Variants in SOBP observed in about 807,000 individuals in gnomAD.
SOBP encodes sine oculis binding protein homolog, also known as sine oculis-binding protein homolog.
Under a neutral mutation model 53.6 loss-of-function variants are expected in SOBP, and 4 were observed. The ratio of observed to expected loss-of-function variants is 0.07; its 90% CI spans 0.04 to 0.17. The LOEUF is 0.17. Among genes scored for constraint, SOBP ranks in the 10% least tolerant of loss-of-function variants. The pLI is 1.00. For missense variants in SOBP, 1,088 were observed against 1,204.7 expected (o/e 0.90, Z 1.43); for synonymous variants, 584 against 522.6 (o/e 1.12, Z -1.60).
intron 4 of SOBP, among the ~76,000 whole-genome samples, chr6:107,555,553 C>T (rs1441705346): frequency 2.0e-5 from 3 of 152,226 alleles, no homozygotes; most frequent in Non-Finnish European, 4.4e-5. Flanking sequence ...TGCACTCCAA[C>T]AATCAGAGGC....
At chr6:107,612,414 G>C (rs1327354958) in intron 5 of SOBP, among the ~76,000 whole-genome samples, 1 of 152,196 alleles carries the variant, frequency 6.6e-6, no homozygotes, top group Non-Finnish European at 1.5e-5. Flanking sequence ...TGAGAAGAGA[G>C]TTTGAAGGGT....
intron 4 of SOBP, among the ~76,000 whole-genome samples, chr6:107,582,573 T>G (rs1418193451): frequency 6.6e-6 from 1 of 152,082 alleles, no homozygotes; most frequent in Non-Finnish European, 1.5e-5. Flanking sequence ...AAAAAGAAAT[T>G]TCCTTAGAAT....
chr6:107,522,988 G>C (rs1037763315), intron 3 of SOBP, among the ~76,000 whole-genome samples: 1 of 152,186 alleles, frequency 6.6e-6, no homozygotes, highest in Admixed American at 6.5e-5. Flanking sequence ...GAACTGAGGT[G>C]GGAAACGCAG....
rs1172253442 is a variant in SOBP, at chr6:107,635,009, T to C, written c.2165T>C (p.Val722Ala). The stretch of plus-strand genomic sequence containing the variant: ...CCCGAGGCGGCCGCGGCCTGCAACG[T>C]CATCGTGAACGGCACGCGCGGCGCC... ...AGPEAAAACN[V>A]IVNGTRGAAA... Residue 722 changes from valine (V) to alanine (A), a missense_variant, in exon 6 of 7, where the codon GTC (valine) becomes GCC (alanine). Transcript: ENST00000317357. The surrounding 1 kb of genome is among the most constrained non-coding windows in gnomAD (Gnocchi z 4.5). The C allele has an allele frequency of 8.6e-7, 1 of 1,168,384 alleles. No homozygotes were observed. Among genetic ancestry groups the C allele is most frequent in the Non-Finnish European group, 1.1e-6 (1 of 947,348 alleles). 72.4% of individuals were successfully genotyped at this position (1,168,384 alleles called of 1,614,324 possible).
intron 5 of SOBP, among the ~76,000 whole-genome samples, chr6:107,604,179 A>G (rs1025787905): frequency 6.6e-6 from 1 of 152,170 alleles, no homozygotes; most frequent in African/African-American, 2.4e-5. Flanking sequence ...ACTGAGAGTA[A>G]TTTTTGCCAT....
Position 107,622,447 on chromosome 6 carries a change from G to A in SOBP, c.670-11067G>A, listed in dbSNP as rs187901415. On this transcript the variant is annotated intron_variant, in intron 5 of 6. Coordinates refer to ENST00000317357, the MANE Select transcript of SOBP (RefSeq NM_018013.4). ...GCTGGGATGATACAAGAAGAGATGC[G>A]ATTGTGGAGAAGAGCCAGTTCTTCT... 1.3e-3 allele frequency among the ~76,000 whole-genome samples: 192 copies of A among 152,330 alleles called. 1 individual carries two copies. Among genetic ancestry groups the A allele is most frequent in the African/African-American group, 4.5e-3 (187 of 41,568 alleles).
At chr6:107,640,247 C>T (rs1771248976) in intron 6 of SOBP, among the ~76,000 whole-genome samples, 1 of 152,094 alleles carries the variant, frequency 6.6e-6, no homozygotes, top group African/African-American at 2.4e-5. Flanking sequence ...TCCATACATT[C>T]GAAACAATAC....
rs1193689299 is a variant in SOBP at position 107,635,239 on chromosome 6, G to A, written c.2395G>A (p.Gly799Ser). 3.1e-6 allele frequency: 5 copies of A among 1,613,830 alleles called. No individual in the cohort carries two copies. The highest frequency in any genetic ancestry group is 4.2e-6 in the Non-Finnish European group (5 of 1,180,000). The change falls in exon 6 of 7, where the codon GGC becomes AGC. Residue 799 changes from glycine (G) to serine (S), a missense_variant. Physicochemically the swap from Gly to Ser is moderately conservative, Grantham distance 56. This residue lies in a region of SOBP where 665 missense variants were observed against 629.7 expected (regional missense o/e 1.06). Coordinates refer to ENST00000317357, the MANE Select transcript of SOBP (RefSeq NM_018013.4). The surrounding 1 kb of genome is among the most constrained non-coding windows in gnomAD (Gnocchi z 4.5). The part of the protein sequence containing the change: ...KLMGEEALAG[G>S]DKSDPNLNNP... ...GATGGGCGAGGAGGCCCTGGCGGGG[G>A]GCGACAAGTCAGACCCGAACCTTAA...
In SOBP at chr6:107,505,264, C is replaced by T. The variant is rs1250408597; in HGVS notation, c.236-978C>T. ...TTCCCCTGGTAGCCAGAGAGCTATG[C>T]TTGCTGTATATCATGTTGTACATGG... On this transcript the variant is annotated intron_variant, in intron 2 of 6. Transcript: ENST00000317357. Among the ~76,000 whole-genome samples the T allele has an allele frequency of 3.3e-5, 5 of 152,006 alleles. No individual in the cohort carries two copies. The East Asian group carries it at 7.7e-4, about 23-fold the overall frequency.
At chr6:107,617,282 C>T (rs1006287504) in intron 5 of SOBP, among the ~76,000 whole-genome samples, 1 of 152,122 alleles carries the variant, frequency 6.6e-6, no homozygotes, top group Non-Finnish European at 1.5e-5. Flanking sequence ...CCCCAGTGGT[C>T]TTAAGGGGCA....
intron 4 of SOBP, among the ~76,000 whole-genome samples, chr6:107,548,623 ACAAT>A (rs1483139329): frequency 2.6e-5 from 4 of 152,292 alleles, no homozygotes; most frequent in Admixed American, 2.0e-4. Flanking sequence ...AAATTTCAGC[ACAAT>A]CAAAGTTGAC....
At chr6:107,525,609 G>T (rs1182019394) in intron 3 of SOBP, among the ~76,000 whole-genome samples, 1 of 152,160 alleles carries the variant, frequency 6.6e-6, no homozygotes, top group Non-Finnish European at 1.5e-5. Context: ...AAATTTCAGT[G>T]ATTTCTGGAT....
intron 4 of SOBP, among the ~76,000 whole-genome samples, chr6:107,546,536 TCCAGGTATCTTC>T (rs1244956770): frequency 1.3e-5 from 2 of 152,220 alleles, no homozygotes; most frequent in Non-Finnish European, 2.9e-5. Flanking sequence ...GATGCAGTCC[TCCAGGTATCTTC>T]CCATGAGCAT....
chr6:107,555,610 T>C (rs1784587211), intron 4 of SOBP, among the ~76,000 whole-genome samples: 3 of 152,254 alleles, frequency 2.0e-5, no homozygotes, highest in Admixed American at 2.0e-4. Context: ...TCCAAGGCAC[T>C]GCGCCCTACG....
chr6:107,642,129 G>T (rs1334638517), intron 6 of SOBP, among the ~76,000 whole-genome samples: 1 of 152,162 alleles, frequency 6.6e-6, no homozygotes, highest in African/African-American at 2.4e-5. Flanking sequence ...TTTAGCACTG[G>T]CATCGTTTAA....
At chr6:107,521,636 G>C (rs1450368357) in intron 3 of SOBP, among the ~76,000 whole-genome samples, 1 of 152,096 alleles carries the variant, frequency 6.6e-6, no homozygotes, top group Non-Finnish European at 1.5e-5. Context: ...CCGATTTTTA[G>C]CTATTATGAA....
At chr6:107,542,275 G>A (rs367559639) in intron 4 of SOBP, among the ~76,000 whole-genome samples, 1 of 152,156 alleles carries the variant, frequency 6.6e-6, no homozygotes, top group East Asian at 1.9e-4. Flanking sequence ...GGAGCTAGTT[G>A]TGTGTGAGGA....
intron 4 of SOBP, among the ~76,000 whole-genome samples, chr6:107,556,884 G>A (rs1035286972): frequency 2.8e-4 from 43 of 152,214 alleles, no homozygotes; most frequent in African/African-American, 1.0e-3. Context: ...GAACCATGTG[G>A]TAATTGGGTC....
intron 1 of SOBP, among the ~76,000 whole-genome samples, chr6:107,498,826 G>A (rs947683737): frequency 9.2e-5 from 14 of 152,068 alleles, no homozygotes; most frequent in African/African-American, 3.4e-4. Flanking sequence ...CTAAATGTTA[G>A]GATTGCCTTT....
Sources: gnomAD v4.1 joint callset for allele counts (sites outside exome capture counted in the v4.1 genomes callset) on GRCh38, gnomAD v4.1.1 for gene constraint, gnomAD v4.1.1 regional missense constraint, Gnocchi (gnomAD v3.1) non-coding constraint, MANE v1.5 for transcripts, NCBI Gene and HGNC (gene_info 2026-07-23, HGNC 2026-07-21) for gene names.